The following ARPP21 variants were observed in gnomAD, a reference collection of about 807,000 sequenced individuals.
The protein encoded by ARPP21 is cAMP regulated phosphoprotein 21, also known as cAMP-regulated phosphoprotein 21.
In ARPP21, 69 loss-of-function variants were observed where a neutral mutation model predicts 113.2. The ratio of observed to expected loss-of-function variants is 0.61; its 90% CI spans 0.50 to 0.74. ARPP21 has a LOEUF of 0.74. ARPP21 is among the 30% of genes least tolerant of loss of function. The probability of loss-of-function intolerance (pLI) is 0.00; values close to 1 mark genes in which losing one functional copy is unlikely to be tolerated. For missense variants in ARPP21, 1,070 were observed against 1,037.4 expected (o/e 1.03, Z -0.43); for synonymous variants, 368 against 375.5 (o/e 0.98, Z 0.23).
chr3:35,747,811 C>T (rs2095165345), intron 19 of ARPP21, among the ~76,000 whole-genome samples: 1 of 151,684 alleles, frequency 6.6e-6, no homozygotes, highest in African/African-American at 2.4e-5. Flanking sequence ...GTTTTAAGTC[C>T]TGAGGTGAGA....
At chr3:35,773,205 G>A (rs764788010) in intron 19 of ARPP21, among the ~76,000 whole-genome samples, 21 of 152,058 alleles carry the variant, frequency 1.4e-4, no homozygotes, top group Non-Finnish European at 2.5e-4. Context: ...ACTTCAAATC[G>A]TTTTTTAAAT....
At chr3:35,684,142 A>G in intron 5 of ARPP21, 1 of 1,444,596 alleles carries the variant, frequency 6.9e-7, no homozygotes, top group Non-Finnish European at 9.1e-7. Context: ...GCTGAACCAA[A>G]TATAATCCCA....
Position 35,737,378 on chromosome 3 carries a change from G to C in ARPP21, c.1644+16G>C, listed in dbSNP as rs775560757. ...GGTCACTCAGGTAGGGGGCTGGTTGGAAGGCAGGGAAGGGAAGTACCCTGA... is the reference window on the plus strand; with the variant it reads ...GGTCACTCAGGTAGGGGGCTGGTTGCAAGGCAGGGAAGGGAAGTACCCTGA... On this transcript the variant is annotated intron_variant, in intron 16 of 20. Coordinates refer to ENST00000684406, the MANE Select transcript of ARPP21 (RefSeq NM_001385562.1). The C allele has an allele frequency of 1.9e-6, 3 of 1,578,378 alleles. No homozygotes were observed. In the East Asian group the frequency reaches 6.8e-5, roughly 36 times the overall value.
At position 35,729,479 on chromosome 3, in the gene ARPP21, C is replaced by G; in HGVS notation, c.1402C>G (p.Pro468Ala). The G allele has an allele frequency of 6.2e-7, 1 of 1,614,234 alleles. No homozygotes were observed. Among genetic ancestry groups the G allele is most frequent in the Non-Finnish European group, 8.5e-7 (1 of 1,180,048 alleles). ...APSSTSYILLPLEAATGIPPG... is the reference protein window; with the variant it reads ...APSSTSYILLALEAATGIPPG... Reference sequence around the variant, plus strand: ...CAGCAGCACCAGCTACATCCTCCTTCCACTTGAAGCTGCAACAGGCATCCC... The same window carrying G: ...CAGCAGCACCAGCTACATCCTCCTTGCACTTGAAGCTGCAACAGGCATCCC... Residue 468 changes from proline to alanine, a missense_variant, in exon 15 of 21, where the codon CCA becomes GCA. Pro to Ala is a conservative substitution (Grantham distance 27). Transcript: ENST00000684406.
At chr3:35,644,042 G>T (rs1699227261) in intron 1 of ARPP21, among the ~76,000 whole-genome samples, 1 of 151,782 alleles carries the variant, frequency 6.6e-6, no homozygotes, top group Admixed American at 6.6e-5. Context: ...ACATTTCTGT[G>T]GACTTGTATT....
chr3:35,782,451 G>A (rs541552688), intron 19 of ARPP21, among the ~76,000 whole-genome samples: 2 of 152,184 alleles, frequency 1.3e-5, no homozygotes, highest in East Asian at 3.9e-4. Context: ...TGTCTTCCCA[G>A]AATGATGTGA....
intron 1 of ARPP21, among the ~76,000 whole-genome samples, chr3:35,649,541 C>T (rs925855359): frequency 2.6e-5 from 4 of 152,072 alleles, no homozygotes; most frequent in Non-Finnish European, 4.4e-5. Context: ...TAAAGGCAAC[C>T]CATCTTTACT....
At chr3:35,651,493 C>T (rs931223901) in intron 1 of ARPP21, among the ~76,000 whole-genome samples, 2 of 151,860 alleles carry the variant, frequency 1.3e-5, no homozygotes, top group Non-Finnish European at 2.9e-5. Flanking sequence ...TGTTCTTTAG[C>T]GCTGAAAGTA....
intron 15 of ARPP21, among the ~76,000 whole-genome samples, chr3:35,731,120 T>A (rs187357882): frequency 1.3e-5 from 2 of 152,358 alleles, no homozygotes; most frequent in African/African-American, 2.4e-5. Context: ...AGAGAACATT[T>A]TAACCACTTG....
intron 13 of ARPP21, among the ~76,000 whole-genome samples, chr3:35,721,345 C>A (rs906143504): frequency 1.3e-5 from 2 of 152,126 alleles, no homozygotes; most frequent in African/African-American, 4.8e-5. Context: ...AGTTGTTTCT[C>A]CTTCACCGAC....
At chr3:35,769,170 A>C (rs1466675181) in intron 19 of ARPP21, among the ~76,000 whole-genome samples, 1 of 152,210 alleles carries the variant, frequency 6.6e-6, no homozygotes, top group East Asian at 1.9e-4. Flanking sequence ...GAGACCGAGA[A>C]AGTAGAAAGC....
Position 35,715,490 on chromosome 3 carries a change from T to A in ARPP21, c.935+14T>A. The A allele has an allele frequency of 6.2e-7, 1 of 1,605,318 alleles. No individual in the cohort carries two copies. The highest frequency in any genetic ancestry group is 8.5e-7 in the Non-Finnish European group (1 of 1,172,214). Reference sequence around the variant, plus strand: ...TGTGGAAAACAGGTAAAATAAAATTTACTTTTCCATGTCTTTAGAGGAACA... The same window carrying A: ...TGTGGAAAACAGGTAAAATAAAATTAACTTTTCCATGTCTTTAGAGGAACA... On this transcript the variant is annotated intron_variant, in intron 12 of 20. Transcript: ENST00000684406.
In ARPP21 at chr3:35,737,334, C is replaced by T; in HGVS notation, c.1616C>T (p.Pro539Leu). 1 of 1,611,526 alleles carries T rather than the reference C, an allele frequency of 6.2e-7. No individual in the cohort carries two copies. Among genetic ancestry groups the T allele is most frequent in the Non-Finnish European group, 8.5e-7 (1 of 1,178,522 alleles). Residue 539 changes from proline (P) to leucine (L), a missense_variant, in exon 16 of 21, where the codon CCA becomes CTA. Coordinates refer to ENST00000684406, the MANE Select transcript of ARPP21 (RefSeq NM_001385562.1). ...QPQQQVQPPQ[P>L]QMAGPLVTQS... ...CAACAGCAGGTCCAGCCACCGCAGC[C>T]ACAGATGGCAGGCCCTCTGGTCACT...
intron 15 of ARPP21, among the ~76,000 whole-genome samples, chr3:35,731,336 G>A (rs952647343): frequency 1.3e-5 from 2 of 152,094 alleles, no homozygotes; most frequent in African/African-American, 4.8e-5. Context: ...TCATTGGACC[G>A]AGTCATTTAG....
chr3:35,744,053 G>A, intron 19 of ARPP21, 88 bp downstream of exon 19: 1 of 1,427,446 alleles, frequency 7.0e-7, no homozygotes, highest in Non-Finnish European at 9.8e-7. Flanking sequence ...TCCAAGCTTG[G>A]CAATTTAAAC....
At chr3:35,712,514 CTGTGTGTG>C (rs10579469) in intron 11 of ARPP21, among the ~76,000 whole-genome samples, 2,557 of 132,906 alleles carry the variant, frequency 0.019, 62 homozygotes, top group African/African-American at 0.06. Flanking sequence ...TCTAAGGTGT[CTGTGTGTG>C]TGTGTGTGTG....
chr3:35,657,642 C>G (rs995502169), intron 1 of ARPP21, among the ~76,000 whole-genome samples: 1 of 152,088 alleles, frequency 6.6e-6, no homozygotes, highest in African/African-American at 2.4e-5. Flanking sequence ...GTAACTTTCT[C>G]AGAGTCAGTG....
chr3:35,766,349 T>C (rs1484936477), intron 19 of ARPP21, among the ~76,000 whole-genome samples: 1 of 152,146 alleles, frequency 6.6e-6, no homozygotes, highest in Non-Finnish European at 1.5e-5. Flanking sequence ...GGTGCCAATC[T>C]CTTTATTGAT....
intron 16 of ARPP21, among the ~76,000 whole-genome samples, chr3:35,737,763 G>A (rs895082326): frequency 3.3e-5 from 5 of 152,122 alleles, no homozygotes; most frequent in African/African-American, 1.2e-4. Flanking sequence ...TCATCAATGG[G>A]AAGAACAGAA....
Sources: gnomAD v4.1 joint callset for allele counts (sites outside exome capture counted in the v4.1 genomes callset) on GRCh38, gnomAD v4.1.1 for gene constraint, MANE v1.5 for transcripts, NCBI Gene and HGNC (gene_info 2026-07-23, HGNC 2026-07-21) for gene names.